JPH3: variants seen among roughly 807,000 people sequenced by gnomAD.
JPH3 encodes junctophilin 3.
In JPH3, 11 loss-of-function variants were observed where a neutral mutation model predicts 59.6. The ratio of observed to expected loss-of-function variants is 0.18; its 90% CI spans 0.12 to 0.31. JPH3 has a LOEUF of 0.31. Ranked by LOEUF, JPH3 falls within the 10% of genes least tolerant of loss-of-function variation. The pLI is 1.00. For synonymous variants in JPH3, 673 were observed against 483.6 expected, an observed-to-expected ratio of 1.39 and a Z score of -5.14; for missense variants, 1,202 against 1,105.7, an observed-to-expected ratio of 1.09 and a Z score of -1.24.
At chr16:87,685,505 G>A (rs922496714) in intron 3 of JPH3, among the ~76,000 whole-genome samples, 7 of 152,364 alleles carry the variant, frequency 4.6e-5, no homozygotes, top group African/African-American at 1.7e-4. Flanking sequence ...AGCTGCCTGG[G>A]CTGGGAGGCG....
Position 87,644,555 on chromosome 16 carries a change from A to G in JPH3, c.680A>G (p.Lys227Arg). Residue 227 changes from lysine (K) to arginine (R), a missense_variant, in exon 2 of 5, where the codon AAG (lysine) becomes AGG (arginine). By Grantham distance (26) the Lys-to-Arg change is conservative. Transcript: ENST00000284262. ...CTGCTGAGTGGGCTGAAGCTGCGCA[A>G]GTCGGAGTCCAAGAGCAGCCTGGCC... ...RSLLSGLKLR[K>R]SESKSSLASQ... 6.2e-7 allele frequency: 1 copy of G among 1,612,748 alleles called. No individual in the cohort carries two copies. Among genetic ancestry groups the G allele is most frequent in the African/African-American group, 1.3e-5 (1 of 74,986 alleles).
At chr16:87,619,485 C>G (rs2031093437) in intron 1 of JPH3, among the ~76,000 whole-genome samples, 1 of 152,190 alleles carries the variant, frequency 6.6e-6, no homozygotes. Context: ...CGCTGGGTGT[C>G]TGTCTCTTGG....
At chr16:87,605,910 G>T (rs990750031) in intron 1 of JPH3, among the ~76,000 whole-genome samples, 1 of 152,224 alleles carries the variant, frequency 6.6e-6, no homozygotes, top group African/African-American at 2.4e-5. Flanking sequence ...GATGCAGATG[G>T]GGAGCTTCAT....
intron 2 of JPH3, among the ~76,000 whole-genome samples, chr16:87,656,006 G>A (rs776884225): frequency 6.6e-6 from 1 of 152,238 alleles, no homozygotes; most frequent in Admixed American, 6.5e-5. Flanking sequence ...ACTGCTGCGT[G>A]GCAGTGGAGC....
At chr16:87,674,070 C>T (rs938929410) in intron 2 of JPH3, among the ~76,000 whole-genome samples, 6 of 149,786 alleles carry the variant, frequency 4.0e-5, no homozygotes, top group African/African-American at 1.5e-4. Context: ...CGCAGTGGCT[C>T]ACGCCTGTAA....
In JPH3 at chr16:87,644,897, A is replaced by T; in HGVS notation, c.1022A>T (p.Asn341Ile). 1 of 1,613,274 alleles carries T rather than the reference A, an allele frequency of 6.2e-7. No homozygotes were observed. Among genetic ancestry groups the T allele is most frequent in the South Asian group, 1.1e-5 (1 of 91,074 alleles). ...AAGGAGGAGGGCAAGTACAAGCAGA[A>T]CATCCTCGTCGGCGGCAAGCGCAAG... ...GTKEEGKYKQ[N>I]ILVGGKRKNL... Residue 341 changes from asparagine (N) to isoleucine (I), a missense_variant, in exon 2 of 5, where the codon AAC becomes ATC. Physicochemically the swap from Asn to Ile is moderately radical, Grantham distance 149 (BLOSUM62 -3). Transcript: ENST00000284262.
chr16:87,634,791 C>T (rs1173577959), intron 1 of JPH3, among the ~76,000 whole-genome samples: 1 of 152,246 alleles, frequency 6.6e-6, no homozygotes, highest in Non-Finnish European at 1.5e-5. Flanking sequence ...TGGGGTTGGG[C>T]CTCAGCCCCG....
chr16:87,634,747 G>A lies in JPH3; in HGVS notation c.383-9511G>A, dbSNP rs562272067. Among the ~76,000 whole-genome samples, 6 of 152,358 alleles carry A rather than the reference G, an allele frequency of 3.9e-5. No individual in the cohort carries two copies. The East Asian group carries it at 1.2e-3, about 29-fold the overall frequency. ...ATCAGTGGTCCAGTCCAGAACGGAG[G>A]CTGTGACCCGCCAGGGTGGGAGAGG... On this transcript the variant is annotated intron_variant, in intron 1 of 4. Transcript: ENST00000284262.
rs563590396 is a variant in JPH3, at chr16:87,644,345, G to C, written c.470G>C (p.Arg157Pro). Residue 157 changes from arginine to proline, a missense_variant, in exon 2 of 5, where the codon CGC becomes CCC. By Grantham distance (103) the Arg-to-Pro change is moderately radical. Coordinates refer to ENST00000284262, the MANE Select transcript of JPH3 (RefSeq NM_020655.4). The part of the protein sequence containing the change: ...SVPYGMAAVI[R>P]SPLRTSINSL... ...CCGTATGGCATGGCCGCGGTCATCC[G>C]CTCACCCCTGAGGACGTCCATCAAC... 1.9e-6 allele frequency: 3 copies of C among 1,612,956 alleles called. No individual in the cohort carries two copies. Among genetic ancestry groups the C allele is most frequent in the African/African-American group, 2.7e-5 (2 of 75,058 alleles).
intron 1 of JPH3, chr16:87,604,925 G>A (rs1393111774): frequency 4.4e-6 from 2 of 449,454 alleles, no homozygotes; most frequent in Non-Finnish European, 9.0e-6. Context: ...TGACCCTGGG[G>A]CGCTGAGGGC....
In JPH3 at chr16:87,614,501, G is replaced by A. The variant is rs553992741; in HGVS notation, c.382+10973G>A. On this transcript the variant is annotated intron_variant, in intron 1 of 4. Coordinates refer to ENST00000284262, the MANE Select transcript of JPH3 (RefSeq NM_020655.4). ...ACACACGAGGGTCCGCGCGTCCCCC[G>A]CAGGATAAACGCAGGTCCATGCACA... Among the ~76,000 whole-genome samples the A allele has an allele frequency of 3.9e-4, 41 of 106,370 alleles. 1 individual carries two copies. The highest frequency in any genetic ancestry group is 9.8e-3 in the Middle Eastern group (1 of 102). The allele number at this position is 106,370 out of a possible 152,430, so 69.8% of individuals were successfully genotyped here. A position where few individuals can be genotyped will look rare whatever the true frequency, so the allele number is the denominator to read the frequency against.
intron 2 of JPH3, among the ~76,000 whole-genome samples, chr16:87,659,386 A>G (rs1220147574): frequency 1.5e-4 from 17 of 115,814 alleles, no homozygotes; most frequent in African/African-American, 3.3e-4. Context: ...AAAAAAAAAA[A>G]GAAAAAAAAA....
In JPH3 at chr16:87,697,018, G is replaced by A. The variant is rs966391099; in HGVS notation, c.*358G>A. 2 of 305,856 alleles carry A rather than the reference G, an allele frequency of 6.5e-6. No homozygotes were observed. The highest frequency in any genetic ancestry group is 1.6e-4 in the East Asian group (2 of 12,432). 18.9% of individuals were successfully genotyped at this position (305,856 alleles called of 1,614,324 possible). A position where few individuals can be genotyped will look rare whatever the true frequency, so the allele number is the denominator to read the frequency against. ...ACGTCCCGTCTTGGGTGTGGATGGA[G>A]GGCAGCCCGGGGCAGAGCCTCAGCC... On this transcript the variant is annotated 3_prime_UTR_variant, in exon 5 of 5. Transcript: ENST00000284262.
chr16:87,639,080 C>G (rs1319040161), intron 1 of JPH3, among the ~76,000 whole-genome samples: 1 of 152,176 alleles, frequency 6.6e-6, no homozygotes, highest in Admixed American at 6.5e-5. Context: ...CAGCCCCTCT[C>G]CAGCCTCAGT....
chr16:87,604,940 C>A, intron 1 of JPH3: 1 of 452,050 alleles, frequency 2.2e-6, no homozygotes, highest in Non-Finnish European at 4.5e-6. Context: ...GAGGGCCGGG[C>A]GGGAGCAGAC....
chr16:87,666,871 C>G (rs768554443), intron 2 of JPH3, among the ~76,000 whole-genome samples: 3 of 152,244 alleles, frequency 2.0e-5, no homozygotes, highest in Non-Finnish European at 4.4e-5. Flanking sequence ...TGCCTCGTCA[C>G]CGAGTGGGAG....
intron 2 of JPH3, among the ~76,000 whole-genome samples, chr16:87,675,014 G>A (rs1323617807): frequency 2.0e-5 from 3 of 152,018 alleles, no homozygotes; most frequent in Non-Finnish European, 2.9e-5. Flanking sequence ...CACCAGCCTC[G>A]GCCTCCCAAA....
intron 2 of JPH3, among the ~76,000 whole-genome samples, chr16:87,650,982 G>A (rs2032309679): frequency 6.6e-6 from 1 of 152,248 alleles, no homozygotes; most frequent in African/African-American, 2.4e-5. Flanking sequence ...GGACTTTCAT[G>A]CTAGGAAGAA....
chr16:87,675,481 G>A (rs1026514722), intron 2 of JPH3, among the ~76,000 whole-genome samples: 2 of 152,182 alleles, frequency 1.3e-5, no homozygotes, highest in Admixed American at 6.5e-5. Context: ...CCCTGTCTGT[G>A]TGTACCAGGT....
Sources: gnomAD v4.1 joint callset for allele counts (sites outside exome capture counted in the v4.1 genomes callset) on GRCh38, gnomAD v4.1.1 for gene constraint, MANE v1.5 for transcripts, NCBI Gene and HGNC (gene_info 2026-07-23, HGNC 2026-07-21) for gene names.